Variants in CAMKMT observed in about 807,000 individuals in gnomAD.
CAMKMT encodes the protein calmodulin-lysine N-methyltransferase.
CAMKMT carries 53 observed loss-of-function variants against 48.0 expected under a neutral mutation model. The ratio of observed to expected loss-of-function variants is 1.10; its 90% CI spans 0.89 to 1.39. The LOEUF is 1.39. Ranked by LOEUF, CAMKMT falls within the 40% of genes most tolerant of loss-of-function variation. CAMKMT has a pLI of 0.00. For synonymous variants in CAMKMT, 165 were observed against 152.3 expected (o/e 1.08, Z -0.61); for missense variants, 428 against 402.7 (o/e 1.06, Z -0.54).
intron 3 of CAMKMT, among the ~76,000 whole-genome samples, chr2:44,419,032 C>T (rs1486734442): frequency 6.6e-6 from 1 of 151,928 alleles, no homozygotes; most frequent in East Asian, 1.9e-4. Context: ...ATTTTAATTT[C>T]CTGGTTTTTG....
chr2:44,394,010 C>T (rs978608293), intron 3 of CAMKMT, among the ~76,000 whole-genome samples: 5 of 152,152 alleles, frequency 3.3e-5, no homozygotes, highest in Admixed American at 1.3e-4. Context: ...TTGTTTATAA[C>T]ATCTCATCTT....
chr2:44,428,594 C>T (rs1489588451), intron 3 of CAMKMT, among the ~76,000 whole-genome samples: 5 of 152,210 alleles, frequency 3.3e-5, no homozygotes, highest in East Asian at 1.9e-4. Flanking sequence ...GCCTCCTGTC[C>T]ATATCAATAG....
At chr2:44,760,057 G>A (rs528583339) in intron 9 of CAMKMT, among the ~76,000 whole-genome samples, 1 of 152,242 alleles carries the variant, frequency 6.6e-6, no homozygotes, top group South Asian at 2.1e-4. Flanking sequence ...TGTGGGCTAG[G>A]AGAATGAATA....
chr2:44,614,722 C>T (rs1358007709), intron 3 of CAMKMT, among the ~76,000 whole-genome samples: 2 of 151,940 alleles, frequency 1.3e-5, no homozygotes, highest in Admixed American at 1.3e-4. Flanking sequence ...TGCTGAAAGC[C>T]ACAAAGAGGT....
In CAMKMT at chr2:44,657,810, G is replaced by T. The variant is rs905382646; in HGVS notation, c.377-46473G>T. Among the ~76,000 whole-genome samples the T allele has an allele frequency of 3.3e-5, 5 of 152,098 alleles. No homozygotes were observed. The highest frequency in any genetic ancestry group is 1.2e-4 in the African/African-American group (5 of 41,416). ...CAAACATTTCTGCTAACCAAAGAAG[G>T]AAAATGAGATTGTACCCCTTTAGAG... On this transcript the variant is annotated intron_variant, in intron 3 of 10. Transcript: ENST00000378494. The surrounding 1 kb of genome is among the most constrained non-coding windows in gnomAD (Gnocchi z 4.3).
At position 44,618,326 on chromosome 2, in the gene CAMKMT, G is replaced by A. The variant is rs1482519761; in HGVS notation, c.377-85957G>A. Reference sequence around the variant, plus strand: ...AGAGTCATTTTACGACAGCCAGGGAGCAAAGCTCAGAGATGGATACTGAGC... The same window carrying A: ...AGAGTCATTTTACGACAGCCAGGGAACAAAGCTCAGAGATGGATACTGAGC... On this transcript the variant is annotated intron_variant, in intron 3 of 10. Transcript: ENST00000378494. This position sits in a 1 kb window ranked among gnomAD's most constrained non-coding sequence, Gnocchi z 4.0. 1.3e-5 allele frequency among the ~76,000 whole-genome samples: 2 copies of A among 152,212 alleles called. No homozygotes were observed. The highest frequency in any genetic ancestry group is 2.4e-5 in the African/African-American group (1 of 41,452).
chr2:44,734,828 A>G (rs1395850027), intron 7 of CAMKMT, among the ~76,000 whole-genome samples: 1 of 152,230 alleles, frequency 6.6e-6, no homozygotes, highest in Non-Finnish European at 1.5e-5. Flanking sequence ...CTGTTCTGCT[A>G]TTGTTGAGTG....
chr2:44,604,721 G>A lies in CAMKMT; in HGVS notation c.377-99562G>A, dbSNP rs563543763. Among the ~76,000 whole-genome samples the A allele has an allele frequency of 2.6e-5, 4 of 152,064 alleles. No individual in the cohort carries two copies. The East Asian group carries it at 7.7e-4, about 29-fold the overall frequency. ...CCATCTTCCTTGATTTCCACTCTAT[G>A]CTTAGAAGTTCAGGTTGCCTTGTTG... On this transcript the variant is annotated intron_variant, in intron 3 of 10. Transcript: ENST00000378494.
At chr2:44,659,046 T>C (rs946147610) in intron 3 of CAMKMT, among the ~76,000 whole-genome samples, 55 of 151,922 alleles carry the variant, frequency 3.6e-4, no homozygotes, top group Middle Eastern at 6.8e-3. Flanking sequence ...GTGGTTTTTA[T>C]TATAAAACCA....
At chr2:44,680,345 A>G (rs949299173) in intron 3 of CAMKMT, among the ~76,000 whole-genome samples, 1 of 152,004 alleles carries the variant, frequency 6.6e-6, no homozygotes, top group East Asian at 1.9e-4. Context: ...AGATTGTCAC[A>G]CTCTTTTTTT....
intron 3 of CAMKMT, among the ~76,000 whole-genome samples, chr2:44,419,548 G>A (rs1225967932): frequency 6.6e-6 from 1 of 152,174 alleles, no homozygotes; most frequent in Non-Finnish European, 1.5e-5. Context: ...TAGGCCTCTA[G>A]AACAGATAGT....
At chr2:44,642,042 T>C (rs1450069251) in intron 3 of CAMKMT, among the ~76,000 whole-genome samples, 1 of 152,250 alleles carries the variant, frequency 6.6e-6, no homozygotes, top group Non-Finnish European at 1.5e-5. Context: ...AGGCTTGTAT[T>C]GTTTCCAGAC....
At chr2:44,539,163 G>T (rs1351307124) in intron 3 of CAMKMT, among the ~76,000 whole-genome samples, 1 of 151,692 alleles carries the variant, frequency 6.6e-6, no homozygotes, top group Non-Finnish European at 1.5e-5. Context: ...AACTTAGCCT[G>T]GCATGGTGGC....
chr2:44,556,942 A>T (rs1668047030), intron 3 of CAMKMT, among the ~76,000 whole-genome samples: 1 of 152,126 alleles, frequency 6.6e-6, no homozygotes, highest in African/African-American at 2.4e-5. Flanking sequence ...GATACAAGTG[A>T]GGATGATGTA....
intron 3 of CAMKMT, among the ~76,000 whole-genome samples, chr2:44,494,248 T>TA (rs1669649487): frequency 6.6e-6 from 1 of 152,108 alleles, no homozygotes; most frequent in Admixed American, 6.5e-5. Context: ...GAACGGGAGG[T>TA]ACTGTATACA....
At chr2:44,551,692 T>C (rs1667725293) in intron 3 of CAMKMT, among the ~76,000 whole-genome samples, 1 of 152,218 alleles carries the variant, frequency 6.6e-6, no homozygotes. Flanking sequence ...CATGTCACTG[T>C]AGATGAATTT....
intron 7 of CAMKMT, among the ~76,000 whole-genome samples, chr2:44,730,571 T>G (rs571769040): frequency 6.6e-6 from 1 of 152,314 alleles, no homozygotes; most frequent in South Asian, 2.1e-4. Flanking sequence ...ATATCCCCTT[T>G]CATTCTGAGT....
Position 44,766,458 on chromosome 2 carries a change from G to A in CAMKMT, c.791G>A (p.Arg264Gln), listed in dbSNP as rs760793922. Residue 264 changes from arginine (R) to glutamine (Q), a missense_variant, in exon 10 of 11, where the codon CGA (arginine) becomes CAA (glutamine). Physicochemically the swap from Arg to Gln is conservative, Grantham distance 43 (BLOSUM62 1). Transcript: ENST00000378494. ...AAAGCGATGGTATTTGCCCCACGCC[G>A]AGGGAATACTTTAAACCAGTTTTGC... Reference protein sequence around the residue: ...RGKAMVFAPRRGNTLNQFCNL... With the variant: ...RGKAMVFAPRQGNTLNQFCNL... 13 of 1,614,006 alleles carry A rather than the reference G, an allele frequency of 8.1e-6. No individual in the cohort carries two copies. Among genetic ancestry groups the A allele is most frequent in the African/African-American group, 2.7e-5 (2 of 74,910 alleles).
At chr2:44,659,086 T>TTTG (rs1275986149) in intron 3 of CAMKMT, among the ~76,000 whole-genome samples, 3 of 149,180 alleles carry the variant, frequency 2.0e-5, no homozygotes, top group African/African-American at 7.4e-5. Context: ...TTTTTTTTTT[T>TTTG]TTTTTTTTTT....
Sources: allele counts gnomAD v4.1 joint callset (sites outside exome capture counted in the v4.1 genomes callset), GRCh38; gene constraint gnomAD v4.1.1; non-coding constraint Gnocchi (gnomAD v3.1); transcripts MANE v1.5; gene names NCBI Gene and HGNC (gene_info 2026-07-23, HGNC 2026-07-21).